The following MGAT5 variants were observed in gnomAD, a reference collection of about 807,000 sequenced individuals.
The protein encoded by MGAT5 is alpha-1,6-mannosylglycoprotein 6-beta-N-acetylglucosaminyltransferase.
A neutral mutation model predicts 94.3 loss-of-function variants in MGAT5; 30 were observed. The ratio of observed to expected loss-of-function variants is 0.32; its 90% CI spans 0.24 to 0.43. The LOEUF (loss-of-function observed/expected upper bound fraction) is 0.43. Among genes scored for constraint, MGAT5 ranks in the 20% least tolerant of loss-of-function variants. The probability of loss-of-function intolerance (pLI) is 1.00; values close to 1 mark genes in which losing one functional copy is unlikely to be tolerated. For synonymous variants in MGAT5, 310 were observed against 322.9 expected, an observed-to-expected ratio of 0.96 and a Z score of 0.43; for missense variants, 691 against 905.5, an observed-to-expected ratio of 0.76 and a Z score of 3.04.
chr2:134,448,717 A>G lies in MGAT5; in HGVS notation c.2096A>G (p.Asn699Ser). Residue 699 changes from asparagine (N) to serine (S), a missense_variant, in exon 16 of 16, where the codon AAT becomes AGT. Around this residue, in one of 4 missense-constraint regions of MGAT5, gnomAD observed 260 missense variants for 347.0 expected, o/e 0.75. Transcript: ENST00000281923. ...CTGGTGCCCTCCTTTGACCCTAAGA[A>G]TAAGCACTGTGTGTTTCAAGGTGAC... ...DILVPSFDPKNKHCVFQGDLL... is the reference protein window; with the variant it reads ...DILVPSFDPKSKHCVFQGDLL... The G allele has an allele frequency of 6.2e-7, 1 of 1,614,206 alleles. No homozygotes were observed.
At position 134,454,610 on chromosome 2, in the gene MGAT5, T is replaced by G. The variant is rs1479816398; in HGVS notation, c.*5763T>G. 1 of 152,188 alleles carries G rather than the reference T, an allele frequency of 6.6e-6. No homozygotes were observed. The highest frequency in any genetic ancestry group is 6.5e-5 in the Admixed American group (1 of 15,286). 9.4% of individuals were successfully genotyped at this position (152,188 alleles called of 1,614,324 possible). ...GGAGAACTTTATTTTTCAATAAACT[T>G]TTCTTGTGTGACAGGTGGAAGTGAT... On this transcript the variant is annotated 3_prime_UTR_variant, in exon 16 of 16. Coordinates refer to ENST00000281923, the MANE Select transcript of MGAT5 (RefSeq NM_002410.5).
At chr2:134,142,296 C>T (rs1223134666) in intron 1 of MGAT5, among the ~76,000 whole-genome samples, 1 of 152,120 alleles carries the variant, frequency 6.6e-6, no homozygotes, top group East Asian at 1.9e-4. Context: ...GAGTGTTAAC[C>T]TGGAAGAGCC....
chr2:134,287,704 A>C (rs992138288), intron 2 of MGAT5, among the ~76,000 whole-genome samples: 15 of 152,162 alleles, frequency 9.9e-5, no homozygotes, highest in African/African-American at 3.6e-4. Context: ...TGTAGTAGAG[A>C]CCTCACTTCC....
chr2:134,164,993 GAA>G (rs1358153677), intron 1 of MGAT5, among the ~76,000 whole-genome samples: 1 of 152,228 alleles, frequency 6.6e-6, no homozygotes, highest in Non-Finnish European at 1.5e-5. Flanking sequence ...GGTATAAGAT[GAA>G]AAGATGCTGC....
At chr2:134,362,968 C>T (rs565769296) in intron 10 of MGAT5, among the ~76,000 whole-genome samples, 3 of 152,366 alleles carry the variant, frequency 2.0e-5, no homozygotes, top group Non-Finnish European at 4.4e-5. Flanking sequence ...CAAACCAAGT[C>T]CTCCAAAAGC....
intron 1 of MGAT5, among the ~76,000 whole-genome samples, chr2:134,149,047 G>A (rs920566010): frequency 2.6e-5 from 4 of 152,132 alleles, no homozygotes; most frequent in African/African-American, 9.7e-5. Flanking sequence ...TTACAGCCGT[G>A]AGCCACCGTG....
chr2:134,346,469 T>C (rs1688930044), intron 8 of MGAT5, among the ~76,000 whole-genome samples: 1 of 152,122 alleles, frequency 6.6e-6, no homozygotes, highest in African/African-American at 2.4e-5. Context: ...CTGCAGTCTT[T>C]GTGGTATGGT....
intron 4 of MGAT5, among the ~76,000 whole-genome samples, chr2:134,324,539 GA>G (rs1278524662): frequency 1.3e-5 from 2 of 152,094 alleles, no homozygotes; most frequent in East Asian, 3.9e-4. Context: ...TGCCCAACAG[GA>G]AAGGTTGAAA....
At chr2:134,276,161 C>G (rs1261548835) in intron 2 of MGAT5, among the ~76,000 whole-genome samples, 1 of 150,368 alleles carries the variant, frequency 6.7e-6, no homozygotes, top group Non-Finnish European at 1.5e-5. Context: ...ACAAGCCCCC[C>G]CACCCCCGCC....
chr2:134,140,830 G>C (rs1008674007), intron 1 of MGAT5, among the ~76,000 whole-genome samples: 1 of 152,198 alleles, frequency 6.6e-6, no homozygotes, highest in Non-Finnish European at 1.5e-5. Flanking sequence ...ACTAAGGCAC[G>C]GAGAGGTTAA....
At position 134,448,748 on chromosome 2, in the gene MGAT5, G is replaced by C. The variant is rs1474112766; in HGVS notation, c.2127G>C (p.Leu709=). The C allele has an allele frequency of 6.2e-7, 1 of 1,614,214 alleles. No individual in the cohort carries two copies. Among genetic ancestry groups the C allele is most frequent in the East Asian group, 2.2e-5 (1 of 44,888 alleles). ...NKHCVFQGDL[L]LFSCAGAHPR... is the part of the protein sequence containing the mutation. ...ACTGTGTGTTTCAAGGTGACCTCCTGCTCTTCAGCTGTGCAGGCGCCCACC... is the reference window on the plus strand; with the variant it reads ...ACTGTGTGTTTCAAGGTGACCTCCTCCTCTTCAGCTGTGCAGGCGCCCACC... Residue 709 remains leucine, a synonymous_variant, in exon 16 of 16, where the codon CTG becomes CTC. Transcript: ENST00000281923.
At chr2:134,205,410 T>C (rs918593328) in intron 1 of MGAT5, among the ~76,000 whole-genome samples, 26 of 152,064 alleles carry the variant, frequency 1.7e-4, no homozygotes, top group African/African-American at 5.5e-4. Context: ...GGGTACATTT[T>C]GGAGGCAGAG....
At chr2:134,181,329 C>A (rs904145527) in intron 1 of MGAT5, among the ~76,000 whole-genome samples, 1 of 152,298 alleles carries the variant, frequency 6.6e-6, no homozygotes, top group South Asian at 2.1e-4. Context: ...GTTGAGAAAC[C>A]CTGCTCTACA....
At chr2:134,442,647 C>A (rs1685550008) in intron 15 of MGAT5, among the ~76,000 whole-genome samples, 1 of 152,140 alleles carries the variant, frequency 6.6e-6, no homozygotes, top group African/African-American at 2.4e-5. Context: ...CCTTTCCTTT[C>A]CCTTTGCATT....
intron 2 of MGAT5, among the ~76,000 whole-genome samples, chr2:134,306,914 A>T (rs1328067099): frequency 6.6e-6 from 1 of 152,180 alleles, no homozygotes; most frequent in African/African-American, 2.4e-5. Context: ...GGACTTTAAA[A>T]GACCGGGACA....
At chr2:134,307,792 C>G (rs150745172) in intron 2 of MGAT5, among the ~76,000 whole-genome samples, 274 of 152,234 alleles carry the variant, frequency 1.8e-3, no homozygotes, top group African/African-American at 6.4e-3. Context: ...ATCCATTTTC[C>G]ATCTCTGGCC....
intron 14 of MGAT5, among the ~76,000 whole-genome samples, chr2:134,433,636 C>G (rs7564807): frequency 6.6e-6 from 1 of 152,116 alleles, no homozygotes; most frequent in African/African-American, 2.4e-5. Context: ...GGAAAGCACA[C>G]GCCGAGAATG....
intron 1 of MGAT5, among the ~76,000 whole-genome samples, chr2:134,212,829 A>G (rs539597361): frequency 3.3e-4 from 51 of 152,306 alleles, no homozygotes; most frequent in African/African-American, 1.2e-3. Flanking sequence ...ATTCAGTTCC[A>G]GTGTATCCAA....
intron 12 of MGAT5, among the ~76,000 whole-genome samples, chr2:134,418,419 T>G (rs1684096178): frequency 6.6e-6 from 1 of 152,146 alleles, no homozygotes; most frequent in Non-Finnish European, 1.5e-5. Context: ...GCTCAGCAAG[T>G]GACCTCACAC....
Sources: allele counts gnomAD v4.1 joint callset (sites outside exome capture counted in the v4.1 genomes callset), GRCh38; gene constraint gnomAD v4.1.1; regional missense constraint gnomAD v4.1.1; transcripts MANE v1.5; gene names NCBI Gene and HGNC (gene_info 2026-07-23, HGNC 2026-07-21).